The following RAPGEF6 variants were observed in gnomAD, a reference collection of about 807,000 sequenced individuals.
The protein encoded by RAPGEF6 is Rap guanine nucleotide exchange factor 6.
RAPGEF6 carries 56 observed loss-of-function variants against 171.4 expected under a neutral mutation model. The observed-to-expected ratio is 0.33, with a 90% CI of 0.26 to 0.41. RAPGEF6 has a LOEUF of 0.41. Among genes scored for constraint, RAPGEF6 ranks in the 10% least tolerant of loss-of-function variants. RAPGEF6 has a pLI of 1.00. For synonymous variants in RAPGEF6, 692 were observed against 650.1 expected, an observed-to-expected ratio of 1.06 and a Z score of -0.98; for missense variants, 1,674 against 1,921.4, an observed-to-expected ratio of 0.87 and a Z score of 2.41.
intron 11 of RAPGEF6, among the ~76,000 whole-genome samples, chr5:131,499,769 T>C (rs1446534748): frequency 6.6e-6 from 1 of 152,174 alleles, no homozygotes; most frequent in Admixed American, 6.5e-5. Context: ...CTTCAATTTG[T>C]TGCAGTCATC....
chr5:131,434,038 C>T (rs1272898735), intron 24 of RAPGEF6, among the ~76,000 whole-genome samples: 1 of 152,140 alleles, frequency 6.6e-6, no homozygotes, highest in Non-Finnish European at 1.5e-5. Flanking sequence ...TTCTTTTTAA[C>T]CCAACGCTCC....
chr5:131,476,903 A>G lies in RAPGEF6; in HGVS notation c.2081+2610T>C, dbSNP rs1755136284. 2.6e-5 allele frequency among the ~76,000 whole-genome samples: 4 copies of G among 152,222 alleles called. No homozygotes were observed. The South Asian group carries it at 8.3e-4, about 31-fold the overall frequency. On this transcript the variant is annotated intron_variant, in intron 16 of 27. Transcript: ENST00000509018. ...TATTAGCACACCAGTCTAAACTTTT[A>G]TAAACTTATAACATTTTCAATTCTG...
At chr5:131,507,163 A>G (rs1757422768) in intron 9 of RAPGEF6, among the ~76,000 whole-genome samples, 2 of 112,032 alleles carry the variant, frequency 1.8e-5, no homozygotes, top group South Asian at 2.9e-4. Context: ...TATATAATAT[A>G]TGTAATATTA....
At position 131,439,755 on chromosome 5, in the gene RAPGEF6, C is replaced by T. The variant is rs769149231; in HGVS notation, c.3611-40G>A. 2.9e-5 allele frequency: 46 copies of T among 1,600,490 alleles called. No homozygotes were observed. In the South Asian group the frequency reaches 4.8e-4, roughly 17 times the overall value. ...AAAGATGCAAATAAGCATCGTTTCA[C>T]AATTAAAATGTCTATAGTTGCCTAA... is the stretch of plus-strand genomic sequence containing the variant. On this transcript the variant is annotated intron_variant, in intron 23 of 27. Transcript: ENST00000509018.
intron 4 of RAPGEF6, among the ~76,000 whole-genome samples, chr5:131,564,013 G>A (rs1004868777): frequency 5.3e-5 from 8 of 152,146 alleles, no homozygotes; most frequent in African/African-American, 1.9e-4. Context: ...CCAAAAAGAA[G>A]GCAGGGCAGG....
At chr5:131,546,631 G>A (rs1361345803) in intron 6 of RAPGEF6, among the ~76,000 whole-genome samples, 1 of 151,318 alleles carries the variant, frequency 6.6e-6, no homozygotes, top group African/African-American at 2.4e-5. Context: ...AAATAATGAA[G>A]AACTGGAAAG....
In RAPGEF6 at chr5:131,433,473, C is replaced by G. The variant is rs1345366037; in HGVS notation, c.3931G>C (p.Glu1311Gln). 6.2e-7 allele frequency: 1 copy of G among 1,613,760 alleles called. No homozygotes were observed. The highest frequency in any genetic ancestry group is 1.3e-5 in the African/African-American group (1 of 74,914). Residue 1311 changes from glutamate to glutamine, a missense_variant, in exon 25 of 28, where the codon GAG (glutamate) becomes CAG (glutamine). Transcript: ENST00000509018. ...TGATCTCCTATCCCTGAAGCGTGCT[C>G]TGTCTTTTCCAATGCCCCAGTGGAT... ...PESTGALEKT[E>Q]HASGIGDHSQ... is the part of the protein sequence containing the mutation.
At chr5:131,502,028 C>T (rs947156330) in intron 11 of RAPGEF6, among the ~76,000 whole-genome samples, 3 of 152,094 alleles carry the variant, frequency 2.0e-5, no homozygotes, top group African/African-American at 7.2e-5. Flanking sequence ...CACGATGAGC[C>T]TTATTATTTG....
chr5:131,540,350 G>A lies in RAPGEF6; in HGVS notation c.495+7697C>T, dbSNP rs574433217. 7.2e-5 allele frequency among the ~76,000 whole-genome samples: 11 copies of A among 152,240 alleles called. No homozygotes were observed. In the South Asian group the frequency reaches 2.1e-3, roughly 29 times the overall value. ...TGGGAGGCTGCAGTGATTAGACTGCGTGAGCCCAGGAGTTAAGACTAGCCT... is the reference window on the plus strand; with the variant it reads ...TGGGAGGCTGCAGTGATTAGACTGCATGAGCCCAGGAGTTAAGACTAGCCT... On this transcript the variant is annotated intron_variant, in intron 6 of 27. Coordinates refer to ENST00000509018, the MANE Select transcript of RAPGEF6 (RefSeq NM_016340.6).
At chr5:131,507,551 C>CA (rs1757448621) in intron 9 of RAPGEF6, among the ~76,000 whole-genome samples, 1 of 152,144 alleles carries the variant, frequency 6.6e-6, no homozygotes, top group African/African-American at 2.4e-5. Flanking sequence ...CTCCACCCAT[C>CA]CACAAGCTGT....
At chr5:131,553,083 C>T (rs1458093380) in intron 5 of RAPGEF6, among the ~76,000 whole-genome samples, 1 of 152,192 alleles carries the variant, frequency 6.6e-6, no homozygotes, top group Non-Finnish European at 1.5e-5. Flanking sequence ...CTCCTCCCAA[C>T]TGCCAGGCTA....
chr5:131,518,623 C>T (rs897569314), intron 7 of RAPGEF6, among the ~76,000 whole-genome samples: 6 of 151,844 alleles, frequency 4.0e-5, no homozygotes, highest in Admixed American at 2.0e-4. Context: ...CTTGAACTCC[C>T]GACCTCAGGT....
At chr5:131,626,322 C>T (rs1381738892) in intron 1 of RAPGEF6, among the ~76,000 whole-genome samples, 2 of 152,110 alleles carry the variant, frequency 1.3e-5, no homozygotes, top group African/African-American at 4.8e-5. Flanking sequence ...TAGAGGGCCA[C>T]AAACCATACC....
chr5:131,599,780 T>A (rs895788878), intron 3 of RAPGEF6, among the ~76,000 whole-genome samples: 2 of 152,240 alleles, frequency 1.3e-5, no homozygotes, highest in African/African-American at 4.8e-5. Flanking sequence ...TGATAAATTT[T>A]TTTTTAAAGT....
Position 131,492,722 on chromosome 5 carries a change from C to G in RAPGEF6, c.1591G>C (p.Val531Leu). The change falls in exon 14 of 28, where the codon GTT becomes CTT. Residue 531 changes from valine (V) to leucine (L), a missense_variant. Coordinates refer to ENST00000509018, the MANE Select transcript of RAPGEF6 (RefSeq NM_016340.6). ...ACAAKAKWRQ[V>L]VLQKASRESP... ...TCGCGGGAAGCCTTTTGCAGCACAA[C>G]CTGTCTCCACTTAGCCTTTGCAGCA... 6.2e-7 allele frequency: 1 copy of G among 1,614,110 alleles called. No homozygotes were observed. Among genetic ancestry groups the G allele is most frequent in the Non-Finnish European group, 8.5e-7 (1 of 1,179,978 alleles).
intron 4 of RAPGEF6, among the ~76,000 whole-genome samples, chr5:131,591,825 A>G (rs1045725910): frequency 6.6e-6 from 1 of 152,178 alleles, no homozygotes; most frequent in African/African-American, 2.4e-5. Context: ...TCAAAAACCA[A>G]TTAGATAAAT....
intron 11 of RAPGEF6, among the ~76,000 whole-genome samples, chr5:131,498,971 C>T (rs1168435496): frequency 6.6e-6 from 1 of 150,554 alleles, no homozygotes; most frequent in African/African-American, 2.4e-5. Flanking sequence ...CTCAAGGCAA[C>T]AAAAGAGGTG....
intron 19 of RAPGEF6, among the ~76,000 whole-genome samples, chr5:131,460,343 C>G (rs531771584): frequency 2.0e-5 from 3 of 152,050 alleles, no homozygotes; most frequent in Non-Finnish European, 4.4e-5. Context: ...TTTTCCTTAC[C>G]CTCACACTGA....
At chr5:131,440,828 C>T (rs1483983298) in intron 23 of RAPGEF6, among the ~76,000 whole-genome samples, 2 of 150,816 alleles carry the variant, frequency 1.3e-5, no homozygotes, top group Non-Finnish European at 3.0e-5. Flanking sequence ...AGTAAAAAAA[C>T]CAGAGCTAAC....
Sources: gnomAD v4.1 joint callset for allele counts (sites outside exome capture counted in the v4.1 genomes callset) on GRCh38, gnomAD v4.1.1 for gene constraint, MANE v1.5 for transcripts, NCBI Gene and HGNC (gene_info 2026-07-23, HGNC 2026-07-21) for gene names.